CCDC83: variants seen among roughly 807,000 people sequenced by gnomAD.
CCDC83 encodes the protein coiled-coil domain-containing protein 83.
Under a neutral mutation model 50.1 loss-of-function variants are expected in CCDC83, and 54 were observed. That is an observed-to-expected ratio of 1.08 (90% confidence interval 0.87 to 1.35). CCDC83 has a LOEUF of 1.35. Ranked by LOEUF, CCDC83 falls within the 40% of genes most tolerant of loss-of-function variation. CCDC83 has a pLI of 0.00. For synonymous variants in CCDC83, 161 were observed against 153.3 expected (o/e 1.05, Z -0.37); for missense variants, 518 against 473.9 (o/e 1.09, Z -0.86).
intron 1 of CCDC83, among the ~76,000 whole-genome samples, chr11:85,862,356 C>T (rs1024059213): frequency 3.3e-5 from 5 of 152,074 alleles, no homozygotes; most frequent in Non-Finnish European, 7.3e-5. Context: ...CAGACACAGT[C>T]GGGAGAGGAA....
chr11:85,882,332 T>C (rs938198837), intron 3 of CCDC83, among the ~76,000 whole-genome samples, 181 bp from the exon 4 acceptor site: 2 of 152,194 alleles, frequency 1.3e-5, no homozygotes, highest in Non-Finnish European at 2.9e-5. Context: ...TAGCTTTTAC[T>C]GGCATTGCTC....
chr11:85,863,034 G>T (rs932991274), intron 1 of CCDC83, among the ~76,000 whole-genome samples: 1 of 152,132 alleles, frequency 6.6e-6, no homozygotes, highest in Non-Finnish European at 1.5e-5. Flanking sequence ...ATAAAAGCCA[G>T]GTAACTAAGG....
At chr11:85,916,342 G>C (rs2093477221) in intron 10 of CCDC83, 109 bp downstream of exon 10, 1 of 849,702 alleles carries the variant, frequency 1.2e-6, no homozygotes, top group African/African-American at 1.7e-5. Flanking sequence ...AATTCCATTT[G>C]CAATTATTAG....
At chr11:85,874,478 T>C (rs1025263760) in intron 3 of CCDC83, among the ~76,000 whole-genome samples, 2 of 152,228 alleles carry the variant, frequency 1.3e-5, no homozygotes, top group Non-Finnish European at 2.9e-5. Context: ...CTTGTTTCCA[T>C]GAAGATTGGC....
rs527549546 is a variant in CCDC83, at chr11:85,873,274, G to C, written c.159G>C (p.Lys53Asn). The C allele has an allele frequency of 4.6e-6, 7 of 1,515,912 alleles. 1 individual carries two copies. The South Asian group carries it at 8.7e-5, about 19-fold the overall frequency. 93.9% of individuals were successfully genotyped at this position (1,515,912 alleles called of 1,614,324 possible). ...FMFQIKTLRK[K>N]NQKYHERNSR... is the part of the protein sequence containing the mutation. ...TTCAAATAAAGACACTTAGGAAAAAGAACCAAAAATATCATGAAAGAGTGA... is the reference window on the plus strand; with the variant it reads ...TTCAAATAAAGACACTTAGGAAAAACAACCAAAAATATCATGAAAGAGTGA... The change falls in exon 3 of 11, where the codon AAG becomes AAC. Residue 53 changes from lysine to asparagine, a missense_variant. Coordinates refer to ENST00000342404, the MANE Select transcript of CCDC83 (RefSeq NM_001286159.2).
At chr11:85,862,240 A>G (rs887934063) in intron 1 of CCDC83, among the ~76,000 whole-genome samples, 1 of 152,090 alleles carries the variant, frequency 6.6e-6, no homozygotes, top group African/African-American at 2.4e-5. Context: ...AGATTTTATG[A>G]CAGAAAATGA....
intron 8 of CCDC83, among the ~76,000 whole-genome samples, chr11:85,913,045 G>A (rs183552624): frequency 1.3e-5 from 2 of 152,150 alleles, no homozygotes; most frequent in African/African-American, 4.8e-5. Flanking sequence ...CGTCATCCTC[G>A]CTCTTCCCTA....
intron 10 of CCDC83, among the ~76,000 whole-genome samples, chr11:85,917,279 G>C (rs2093486704): frequency 1.3e-5 from 1 of 76,024 alleles, no homozygotes; most frequent in East Asian, 5.9e-4. Flanking sequence ...AGGAAGGAAA[G>C]AAGGAAGGAA....
At chr11:85,906,391 G>A (rs917091272) in intron 7 of CCDC83, among the ~76,000 whole-genome samples, 1 of 152,114 alleles carries the variant, frequency 6.6e-6, no homozygotes, top group Non-Finnish European at 1.5e-5. Context: ...CTCATGAGAT[G>A]TCATAAATCT....
chr11:85,859,945 A>G (rs956682724), intron 1 of CCDC83, among the ~76,000 whole-genome samples: 1 of 152,184 alleles, frequency 6.6e-6, no homozygotes, highest in African/African-American at 2.4e-5. Flanking sequence ...TCCAGAATCT[A>G]TAAGGAACTT....
chr11:85,867,332 A>G (rs2093213015), intron 2 of CCDC83, among the ~76,000 whole-genome samples: 1 of 152,132 alleles, frequency 6.6e-6, no homozygotes, highest in African/African-American at 2.4e-5. Context: ...TCACCTGGCC[A>G]AGAAGGATTT....
At chr11:85,902,987 T>G (rs2093408975) in intron 7 of CCDC83, among the ~76,000 whole-genome samples, 1 of 152,098 alleles carries the variant, frequency 6.6e-6, no homozygotes, top group African/African-American at 2.4e-5. Context: ...ATCCCAACAC[T>G]TTGGGAGGCT....
At chr11:85,915,339 T>G in intron 8 of CCDC83, 80 bp from the exon 9 acceptor site, 1 of 970,580 alleles carries the variant, frequency 1.0e-6, no homozygotes, top group East Asian at 2.4e-5. Context: ...TTCTAGCACC[T>G]AGTAGAGAGA....
At chr11:85,887,940 C>T (rs1333448675) in intron 5 of CCDC83, among the ~76,000 whole-genome samples, 1 of 151,796 alleles carries the variant, frequency 6.6e-6, no homozygotes, top group Non-Finnish European at 1.5e-5. Flanking sequence ...GTAGCTGGGA[C>T]AGCAGGTATG....
intron 7 of CCDC83, 80 bp downstream of exon 7, chr11:85,899,095 G>C (rs2093388748): frequency 9.4e-7 from 1 of 1,064,608 alleles, no homozygotes; most frequent in African/African-American, 1.6e-5. Context: ...ATGAACTGAA[G>C]TCATGGGAAA....
intron 3 of CCDC83, among the ~76,000 whole-genome samples, chr11:85,875,499 G>A (rs1445663732): frequency 6.6e-6 from 1 of 152,128 alleles, no homozygotes; most frequent in East Asian, 1.9e-4. Flanking sequence ...CCTCTTCCTG[G>A]AATGCTTTTT....
At chr11:85,908,591 AT>A (rs1231429209) in intron 7 of CCDC83, among the ~76,000 whole-genome samples, 41 of 149,450 alleles carry the variant, frequency 2.7e-4, no homozygotes, top group Admixed American at 1.9e-3. Context: ...AGATAGATAG[AT>A]AGATAGATAG....
intron 10 of CCDC83, among the ~76,000 whole-genome samples, chr11:85,917,026 G>T (rs1333473689): frequency 6.6e-6 from 1 of 151,528 alleles, no homozygotes; most frequent in Non-Finnish European, 1.5e-5. Flanking sequence ...CAGGAGAATT[G>T]CCTGAACCTG....
At chr11:85,883,018 T>G (rs928602482) in intron 4 of CCDC83, among the ~76,000 whole-genome samples, 2 of 152,028 alleles carry the variant, frequency 1.3e-5, no homozygotes, top group African/African-American at 4.8e-5. Context: ...CCTGGGCTCA[T>G]GCAGTCCTCC....
Sources: allele counts gnomAD v4.1 joint callset (sites outside exome capture counted in the v4.1 genomes callset), GRCh38; gene constraint gnomAD v4.1.1; transcripts MANE v1.5; gene names NCBI Gene and HGNC (gene_info 2026-07-23, HGNC 2026-07-21).